Variants in ZNF516 observed in about 807,000 individuals in gnomAD.
The protein encoded by ZNF516 is zinc finger protein 516.
In ZNF516, 19 loss-of-function variants were observed where a neutral mutation model predicts 79.7. The ratio of observed to expected loss-of-function variants is 0.24; its 90% CI spans 0.17 to 0.35. ZNF516 has a LOEUF of 0.35. ZNF516 is among the 10% of genes least tolerant of loss of function. The pLI is 1.00. For missense variants in ZNF516, 1,678 were observed against 1,679.5 expected (o/e 1.00, Z 0.02); for synonymous variants, 877 against 739.5 (o/e 1.19, Z -3.02).
rs1161440148 is a variant in ZNF516 at position 76,493,423 on chromosome 18, G to C, written c.-272+1721C>G. 1.9e-5 allele frequency: 3 copies of C among 153,946 alleles called. No individual in the cohort carries two copies. Among genetic ancestry groups the C allele is most frequent in the African/African-American group, 7.2e-5 (3 of 41,426 alleles). The allele number at this position is 153,946 out of a possible 1,614,324, so 9.5% of individuals were successfully genotyped here. ...TCCATTGATCTCGAAATTCAAAAAC[G>C]TTTCTTCACAGGTCAGATTGTAACA... On this transcript the variant is annotated intron_variant, in intron 1 of 6. Transcript: ENST00000443185. This position sits in a 1 kb window ranked among gnomAD's most constrained non-coding sequence, Gnocchi z 5.2.
chr18:76,495,788 TGCGTGTGCATTACACACGGCGTA>T (rs1915460068), upstream of ZNF516: 2 of 1,116,054 alleles, frequency 1.8e-6, no homozygotes, highest in South Asian at 1.8e-5. Flanking sequence ...GGGTCCCAGG[TGCGTGTGCATTACACACGGCGTA>T]GCGTGTGCGT....
intron 3 of ZNF516, among the ~76,000 whole-genome samples, chr18:76,437,444 T>TA (rs11373027): frequency 3.4e-5 from 1 of 29,188 alleles, no homozygotes; most frequent in Non-Finnish European, 8.4e-5. Flanking sequence ...CTTGACCATA[T>TA]TTTTTTTTTC....
chr18:76,451,119 A>G lies in ZNF516; in HGVS notation c.-157-7908T>C, dbSNP rs1912383660. On this transcript the variant is annotated intron_variant, in intron 2 of 6. Coordinates refer to ENST00000443185, the MANE Select transcript of ZNF516 (RefSeq NM_014643.4). This position sits in a 1 kb window ranked among gnomAD's most constrained non-coding sequence, Gnocchi z 6.0. The stretch of plus-strand genomic sequence containing the variant: ...CCGTTTCCTGCACCAAGTCCCCACA[A>G]GCAGCATGTGTCAGGGGAGGGAAGC... Among the ~76,000 whole-genome samples the G allele has an allele frequency of 6.6e-6, 1 of 152,216 alleles. No individual in the cohort carries two copies. The highest frequency in any genetic ancestry group is 1.5e-5 in the Non-Finnish European group (1 of 68,036).
At position 76,451,432 on chromosome 18, in the gene ZNF516, G is replaced by A. The variant is rs1912407897; in HGVS notation, c.-157-8221C>T. 6.6e-6 allele frequency among the ~76,000 whole-genome samples: 1 copy of A among 152,228 alleles called. No homozygotes were observed. Among genetic ancestry groups the A allele is most frequent in the South Asian group, 2.1e-4 (1 of 4,828 alleles). ...CAGGAGGGGCTGGAGTGAACGGGAG[G>A]AATTGGGGAGGGAGGGAAAACGCCA... On this transcript the variant is annotated intron_variant, in intron 2 of 6. Coordinates refer to ENST00000443185, the MANE Select transcript of ZNF516 (RefSeq NM_014643.4). The surrounding 1 kb of genome is among the most constrained non-coding windows in gnomAD (Gnocchi z 6.0).
In ZNF516 at chr18:76,361,067, A is replaced by G. The variant is rs2074530714; in HGVS notation, c.*1431T>C. ...AAAATATATTTAGCATGCTCGTTTT[A>G]ATCCATTTCCTGCCTTTACAAAATT... On this transcript the variant is annotated 3_prime_UTR_variant, in exon 7 of 7. Transcript: ENST00000443185. The G allele has an allele frequency of 6.6e-6, 1 of 152,080 alleles. No individual in the cohort carries two copies. The highest frequency in any genetic ancestry group is 6.5e-5 in the Admixed American group (1 of 15,268). The allele number at this position is 152,080 out of a possible 1,614,324, so 9.4% of individuals were successfully genotyped here.
At position 76,445,022 on chromosome 18, in the gene ZNF516, C is replaced by G. The variant is rs57060741; in HGVS notation, c.-157-1811G>C. Among the ~76,000 whole-genome samples the G allele has an allele frequency of 6.7e-3, 1,025 of 152,264 alleles. 37 individuals carry two copies. In the East Asian group the frequency reaches 0.11, roughly 16 times the overall value. On this transcript the variant is annotated intron_variant, in intron 2 of 6. Coordinates refer to ENST00000443185, the MANE Select transcript of ZNF516 (RefSeq NM_014643.4). ...TCTGCTCCTTCCTCCAGGAACGCAC[C>G]CAGCAGAGCCATGCAACAGAGCGGG...
chr18:76,379,146 C>G lies in ZNF516; in HGVS notation c.2968G>C (p.Gly990Arg). ...GGTAGAGGAGGAGCGCCCCCTTCGC[C>G]CTTTGCAGGAGGTGGACCCTGAGGC... ...AQPQGPPPAKGEGGAPPLPPR... is the reference protein window; with the variant it reads ...AQPQGPPPAKREGGAPPLPPR... Residue 990 changes from glycine to arginine, a missense_variant, in exon 4 of 7, where the codon GGC becomes CGC. Around this residue, in one of 5 missense-constraint regions of ZNF516, gnomAD observed 1,294 missense variants for 1,248.3 expected, o/e 1.04. Coordinates refer to ENST00000443185, the MANE Select transcript of ZNF516 (RefSeq NM_014643.4). 6.2e-7 allele frequency: 1 copy of G among 1,612,864 alleles called. No homozygotes were observed. The highest frequency in any genetic ancestry group is 8.5e-7 in the Non-Finnish European group (1 of 1,179,734).
intron 3 of ZNF516, among the ~76,000 whole-genome samples, chr18:76,437,773 CA>C (rs908201527): frequency 6.6e-6 from 1 of 151,456 alleles, no homozygotes; most frequent in African/African-American, 2.4e-5. Context: ...TAGGGAATAA[CA>C]AAAAAAAGCC....
At chr18:76,378,709 AGC>A in intron 4 of ZNF516, 144 bp downstream of exon 4, 1 of 1,230,162 alleles carries the variant, frequency 8.1e-7, no homozygotes, top group Non-Finnish European at 1.1e-6. Flanking sequence ...AGGGCAAGGG[AGC>A]AGCTCTCAGC....
At chr18:76,423,081 G>C (rs1452408079) in intron 3 of ZNF516, among the ~76,000 whole-genome samples, 1 of 152,114 alleles carries the variant, frequency 6.6e-6, no homozygotes, top group African/African-American at 2.4e-5. Context: ...GGAGACCCCA[G>C]GATTCAAGCA....
intron 2 of ZNF516, among the ~76,000 whole-genome samples, chr18:76,455,847 T>C (rs1385450026): frequency 6.6e-6 from 1 of 152,196 alleles, no homozygotes; most frequent in South Asian, 2.1e-4. Context: ...TGTGTGCAGC[T>C]TGCCCACCGA....
intron 3 of ZNF516, among the ~76,000 whole-genome samples, chr18:76,418,099 T>A (rs992261871): frequency 2.6e-5 from 4 of 152,314 alleles, no homozygotes; most frequent in African/African-American, 9.6e-5. Context: ...CAACACACAC[T>A]GTAACAGACT....
At chr18:76,489,822 C>T (rs1915057331) in intron 1 of ZNF516, among the ~76,000 whole-genome samples, 1 of 152,110 alleles carries the variant, frequency 6.6e-6, no homozygotes, top group African/African-American at 2.4e-5. Flanking sequence ...TTCTAATAAA[C>T]AAAAGCTTTC....
intron 3 of ZNF516, among the ~76,000 whole-genome samples, chr18:76,423,688 G>C (rs2075542164): frequency 7.1e-6 from 1 of 140,302 alleles, no homozygotes; most frequent in Non-Finnish European, 1.5e-5. Context: ...ACACACGCAG[G>C]TGAAAAGGCT....
chr18:76,374,293 A>ATCATGTATTATTT (rs1308773990), intron 4 of ZNF516, among the ~76,000 whole-genome samples: 5 of 152,220 alleles, frequency 3.3e-5, no homozygotes, highest in Admixed American at 6.5e-5. Context: ...GAAAACACAG[A>ATCATGTATTATTT]TCATGTATTA....
At position 76,484,510 on chromosome 18, in the gene ZNF516, G is replaced by A. The variant is rs531509494; in HGVS notation, c.-272+10634C>T. The stretch of plus-strand genomic sequence containing the variant: ...AATGGCGGCCGCCCTAACCCCGCTC[G>A]GGCCAAGAAGGTGCAGTTTCATCAC... On this transcript the variant is annotated intron_variant, in intron 1 of 6. Transcript: ENST00000443185. 3.9e-5 allele frequency among the ~76,000 whole-genome samples: 6 copies of A among 152,238 alleles called. No individual in the cohort carries two copies. In the South Asian group the frequency reaches 6.2e-4, roughly 16 times the overall value.
chr18:76,362,350 A>G lies in ZNF516; in HGVS notation c.*148T>C. On this transcript the variant is annotated 3_prime_UTR_variant, in exon 7 of 7. Coordinates refer to ENST00000443185, the MANE Select transcript of ZNF516 (RefSeq NM_014643.4). ...CTGCCTTCAGTTTCCACTCCAGCGCAGCGGCTCGGGATGTGAGGTGTCTGC... is the reference window on the plus strand; with the variant it reads ...CTGCCTTCAGTTTCCACTCCAGCGCGGCGGCTCGGGATGTGAGGTGTCTGC... 2 of 630,250 alleles carry G rather than the reference A, an allele frequency of 3.2e-6. No homozygotes were observed. Among genetic ancestry groups the G allele is most frequent in the East Asian group, 2.8e-5 (1 of 35,874 alleles). 39.0% of individuals were successfully genotyped at this position (630,250 alleles called of 1,614,324 possible).
chr18:76,425,911 C>T (rs956099509), intron 3 of ZNF516, among the ~76,000 whole-genome samples: 1 of 152,176 alleles, frequency 6.6e-6, no homozygotes, highest in Non-Finnish European at 1.5e-5. Context: ...CAGCTGACGT[C>T]GACACCCAAG....
At chr18:76,363,961 C>CA (rs1326658536) in intron 6 of ZNF516, among the ~76,000 whole-genome samples, 1 of 152,208 alleles carries the variant, frequency 6.6e-6, no homozygotes, top group Non-Finnish European at 1.5e-5. Context: ...ACATGGACAG[C>CA]ACCCCCAGGG....
Sources: allele counts gnomAD v4.1 joint callset (sites outside exome capture counted in the v4.1 genomes callset), GRCh38; gene constraint gnomAD v4.1.1; regional missense constraint gnomAD v4.1.1; non-coding constraint Gnocchi (gnomAD v3.1); transcripts MANE v1.5; gene names NCBI Gene and HGNC (gene_info 2026-07-23, HGNC 2026-07-21).